The following INPP4B variants were observed in gnomAD, a reference collection of about 807,000 sequenced individuals.
INPP4B encodes the protein inositol polyphosphate-4-phosphatase type II B.
Under a neutral mutation model 122.5 loss-of-function variants are expected in INPP4B, and 55 were observed. The observed-to-expected ratio is 0.45, with a 90% confidence interval of 0.36 to 0.56. INPP4B has a LOEUF of 0.56. Among genes scored for constraint, INPP4B ranks in the 20% least tolerant of loss-of-function variants. The probability of loss-of-function intolerance (pLI) is 0.00; values close to 1 mark genes in which losing one functional copy is unlikely to be tolerated. For synonymous variants in INPP4B, 403 were observed against 388.7 expected (o/e 1.04, Z -0.43); for missense variants, 1,000 against 1,097.7 (o/e 0.91, Z 1.26).
At chr4:142,619,715 T>C (rs1366063354) in intron 2 of INPP4B, among the ~76,000 whole-genome samples, 1 of 152,016 alleles carries the variant, frequency 6.6e-6, no homozygotes, top group African/African-American at 2.4e-5. Flanking sequence ...CAGTTAATAC[T>C]GTATTATCCG....
intron 5 of INPP4B, among the ~76,000 whole-genome samples, chr4:142,419,547 C>T (rs534365893): frequency 1.6e-4 from 25 of 152,202 alleles, no homozygotes; most frequent in Admixed American, 8.5e-4. Flanking sequence ...TTTGGGCTTT[C>T]TTCTACCAGA....
chr4:142,091,228 T>A (rs547554052), intron 23 of INPP4B, among the ~76,000 whole-genome samples: 1 of 152,186 alleles, frequency 6.6e-6, no homozygotes, highest in Non-Finnish European at 1.5e-5. Context: ...TGTTTGAAAC[T>A]TTTATAATTG....
chr4:142,795,841 C>G (rs953603528), intron 1 of INPP4B, among the ~76,000 whole-genome samples: 2 of 151,948 alleles, frequency 1.3e-5, no homozygotes, highest in African/African-American at 4.8e-5. Context: ...TAATCAACTA[C>G]CTTTAAAATC....
At chr4:142,769,354 C>CA (rs1201763463) in intron 1 of INPP4B, among the ~76,000 whole-genome samples, 1 of 152,150 alleles carries the variant, frequency 6.6e-6, no homozygotes, top group East Asian at 1.9e-4. Flanking sequence ...CGATGCTCTG[C>CA]AAGGCACTTT....
At chr4:142,399,996 C>G (rs546549196) in intron 7 of INPP4B, among the ~76,000 whole-genome samples, 6 of 152,226 alleles carry the variant, frequency 3.9e-5, no homozygotes, top group African/African-American at 1.4e-4. Flanking sequence ...TGATTAATTG[C>G]ATTTCTGCTG....
At chr4:142,543,556 G>T (rs1320611267) in intron 2 of INPP4B, among the ~76,000 whole-genome samples, 1 of 152,054 alleles carries the variant, frequency 6.6e-6, no homozygotes, top group East Asian at 1.9e-4. Context: ...AATATAAGTG[G>T]TTTTTTCTTA....
chr4:142,302,377 A>G (rs940961361), intron 9 of INPP4B, among the ~76,000 whole-genome samples: 1 of 152,162 alleles, frequency 6.6e-6, no homozygotes, highest in African/African-American at 2.4e-5. Context: ...TGTGATATGA[A>G]TTTCAACTAG....
At chr4:142,372,159 C>G (rs561972695) in intron 7 of INPP4B, among the ~76,000 whole-genome samples, 1 of 151,940 alleles carries the variant, frequency 6.6e-6, no homozygotes, top group Admixed American at 6.6e-5. Flanking sequence ...GAGGTCATTA[C>G]GTTAAATGAA....
chr4:142,250,168 T>A (rs1322384227), intron 11 of INPP4B, among the ~76,000 whole-genome samples: 1 of 152,218 alleles, frequency 6.6e-6, no homozygotes, highest in Admixed American at 6.5e-5. Flanking sequence ...CACCTCTTCC[T>A]TATTCTCTCT....
intron 23 of INPP4B, among the ~76,000 whole-genome samples, chr4:142,098,260 G>GAGGGATCA (rs1782867021): frequency 1.3e-5 from 2 of 152,002 alleles, no homozygotes; most frequent in Admixed American, 1.3e-4. Context: ...AAGCGGTGGA[G>GAGGGATCA]AAGGATCAAA....
intron 23 of INPP4B, among the ~76,000 whole-genome samples, chr4:142,104,849 T>C (rs1260801246): frequency 6.6e-6 from 1 of 152,196 alleles, no homozygotes; most frequent in African/African-American, 2.4e-5. Context: ...AAATTCTATG[T>C]AAATAGCTGT....
chr4:142,727,010 G>T (rs753642815), intron 1 of INPP4B, among the ~76,000 whole-genome samples: 8 of 151,992 alleles, frequency 5.3e-5, no homozygotes, highest in Non-Finnish European at 1.0e-4. Context: ...AACAAAAAAG[G>T]CTTACTATTC....
chr4:142,068,182 A>T (rs893604606), intron 25 of INPP4B, among the ~76,000 whole-genome samples: 5 of 152,150 alleles, frequency 3.3e-5, no homozygotes, highest in Non-Finnish European at 5.9e-5. Context: ...ATATTCAACA[A>T]TCTTAAAGAA....
intron 2 of INPP4B, among the ~76,000 whole-genome samples, chr4:142,696,050 G>T (rs1377215467): frequency 6.6e-6 from 1 of 152,096 alleles, no homozygotes; most frequent in Non-Finnish European, 1.5e-5. Flanking sequence ...CCCCTGGATT[G>T]AGCAAGAAAA....
intron 2 of INPP4B, among the ~76,000 whole-genome samples, chr4:142,703,151 C>CA (rs1762033611): frequency 6.6e-6 from 1 of 152,198 alleles, no homozygotes; most frequent in African/African-American, 2.4e-5. Context: ...CTCCTGCCCT[C>CA]TTTGTGAGTC....
intron 2 of INPP4B, among the ~76,000 whole-genome samples, chr4:142,576,091 C>T (rs997339561): frequency 6.6e-6 from 1 of 151,986 alleles, no homozygotes; most frequent in Non-Finnish European, 1.5e-5. Flanking sequence ...GCTGCATTTC[C>T]ACTCAATATC....
intron 18 of INPP4B, among the ~76,000 whole-genome samples, chr4:142,142,398 A>C (rs537309916): frequency 6.6e-6 from 1 of 152,178 alleles, no homozygotes; most frequent in South Asian, 2.1e-4. Context: ...TGTTAGTTAG[A>C]GTGTCTTTTG....
At position 142,085,939 on chromosome 4, in the gene INPP4B, C is replaced by T. The variant is rs574749821; in HGVS notation, c.2487+205G>A. 3.3e-4 allele frequency among the ~76,000 whole-genome samples: 51 copies of T among 152,326 alleles called. 1 individual carries two copies. In the South Asian group the frequency reaches 0.01, roughly 31 times the overall value. On this transcript the variant is annotated intron_variant, in intron 24 of 25. Coordinates refer to ENST00000262992, the MANE Select transcript of INPP4B (RefSeq NM_001101669.3). ...GTAAGAATAGCAAGTGAGCAAGAGT[C>T]TTTCTTAAGTGCATCTTCTTCTATC...
intron 2 of INPP4B, among the ~76,000 whole-genome samples, chr4:142,665,648 T>C (rs905856214): frequency 2.0e-5 from 3 of 152,068 alleles, no homozygotes; most frequent in African/African-American, 7.2e-5. Flanking sequence ...CAAAGAAGTA[T>C]AAAAAATGAT....
Sources: allele counts gnomAD v4.1 joint callset (sites outside exome capture counted in the v4.1 genomes callset), GRCh38; gene constraint gnomAD v4.1.1; transcripts MANE v1.5; gene names NCBI Gene and HGNC (gene_info 2026-07-23, HGNC 2026-07-21).